The following LMO1 variants were observed in gnomAD, a reference collection of about 807,000 sequenced individuals.
LMO1 encodes LIM domain only 1, also known as rhombotin-1.
Under a neutral mutation model 18.0 loss-of-function variants are expected in LMO1, and 10 were observed. The ratio of observed to expected loss-of-function variants is 0.55; its 90% confidence interval spans 0.34 to 0.94. The LOEUF (loss-of-function observed/expected upper bound fraction) is 0.94, where lower values mean the gene tolerates loss of function less well. Among genes scored for constraint, LMO1 ranks in the 40% least tolerant of loss-of-function variants. LMO1 has a pLI of 0.02. For missense variants in LMO1, 183 were observed against 205.7 expected (o/e 0.89, Z 0.68); for synonymous variants, 77 against 77.9 (o/e 0.99, Z 0.06).
At chr11:8,233,684 C>T (rs960898250) in intron 1 of LMO1, among the ~76,000 whole-genome samples, 2 of 151,732 alleles carry the variant, frequency 1.3e-5, no homozygotes, top group African/African-American at 4.8e-5. Context: ...TCCTGCTCTG[C>T]CTTCCCCATT....
At chr11:8,253,437 G>C (rs1847038285) in intron 1 of LMO1, among the ~76,000 whole-genome samples, 1 of 152,116 alleles carries the variant, frequency 6.6e-6, no homozygotes, top group Non-Finnish European at 1.5e-5. Context: ...TTTACTACTT[G>C]GAATTATTAT....
At chr11:8,268,056 C>T (rs1847278638), upstream of LMO1, among the ~76,000 whole-genome samples, 5 of 152,388 alleles carry the variant, frequency 3.3e-5, no homozygotes, top group Admixed American at 3.3e-4. Context: ...GGGAGACTGG[C>T]TGGCAGTGGG....
At chr11:8,265,603 C>T (rs1453536365), upstream of LMO1, among the ~76,000 whole-genome samples, 1 of 152,184 alleles carries the variant, frequency 6.6e-6, no homozygotes, top group East Asian at 1.9e-4. Flanking sequence ...CTCAGACTCA[C>T]CAGCCTCAGG....
rs743630 is a variant in LMO1 at position 8,258,492 on chromosome 11, C to T, written c.25+4846G>A. ...AGCTTCGCCCTGGGCCATGGCTGAA[C>T]CTCGTGTTTCCTTTGCCCATGACCA... On this transcript the variant is annotated intron_variant, in intron 1 of 3. Coordinates refer to ENST00000335790, the MANE Select transcript of LMO1 (RefSeq NM_002315.3). Among the ~76,000 whole-genome samples, 1,431 of 152,356 alleles carry T rather than the reference C, an allele frequency of 9.4e-3. 111 individuals carry two copies. In the East Asian group the frequency reaches 0.2, roughly 22 times the overall value.
At chr11:8,246,072 C>A (rs755523094) in intron 1 of LMO1, among the ~76,000 whole-genome samples, 2 of 152,126 alleles carry the variant, frequency 1.3e-5, no homozygotes, top group Non-Finnish European at 2.9e-5. Flanking sequence ...GGGAGCCATC[C>A]CCGTGATCCA....
intron 1 of LMO1, among the ~76,000 whole-genome samples, chr11:8,244,114 G>A (rs369808348): frequency 2.5e-4 from 38 of 152,296 alleles, no homozygotes; most frequent in Admixed American, 1.5e-3. Flanking sequence ...TACAGCCACC[G>A]TGGCCTCGGG....
intron 1 of LMO1, among the ~76,000 whole-genome samples, chr11:8,232,919 T>C (rs1952694359): frequency 6.6e-6 from 1 of 152,192 alleles, no homozygotes. Flanking sequence ...CCCAGCATGT[T>C]TGTCCTGGCT....
At chr11:8,236,839 A>G (rs1952769194) in intron 1 of LMO1, among the ~76,000 whole-genome samples, 1 of 152,248 alleles carries the variant, frequency 6.6e-6, no homozygotes. Context: ...ATACCCATGC[A>G]TCTAAGCACA....
At chr11:8,238,670 C>CAA (rs11375128) in intron 1 of LMO1, among the ~76,000 whole-genome samples, 1,826 of 59,628 alleles carry the variant, frequency 0.031, 68 homozygotes, top group East Asian at 0.051. Context: ...GACTCCATCT[C>CAA]AAAAAAAAAA....
Position 8,256,552 on chromosome 11 carries a change from C to A in LMO1, c.25+6786G>T, listed in dbSNP as rs374336449. Reference sequence around the variant, plus strand: ...GCGACCTGGACCAATCTGCTCACTCCTCTCACACCACCTGCTTTTAATTTG... The same window carrying A: ...GCGACCTGGACCAATCTGCTCACTCATCTCACACCACCTGCTTTTAATTTG... On this transcript the variant is annotated intron_variant, in intron 1 of 3. Coordinates refer to ENST00000335790, the MANE Select transcript of LMO1 (RefSeq NM_002315.3). Among the ~76,000 whole-genome samples the A allele has an allele frequency of 1.5e-4, 23 of 152,222 alleles. 1 individual carries two copies. The East Asian group carries it at 3.8e-3, about 25-fold the overall frequency.
upstream of LMO1, chr11:8,268,335 C>A: frequency 8.6e-7 from 1 of 1,164,812 alleles, no homozygotes; most frequent in Non-Finnish European, 1.1e-6. Context: ...TCTGCCGCCG[C>A]TAGCGGGGTG....
At chr11:8,230,561 A>G in intron 1 of LMO1, 57 bp from the exon 2 acceptor site, 4 of 1,534,452 alleles carry the variant, frequency 2.6e-6, no homozygotes, top group Non-Finnish European at 3.6e-6. Context: ...CTGGGCCTCA[A>G]GGAATATCCC....
intron 1 of LMO1, among the ~76,000 whole-genome samples, chr11:8,245,515 T>G (rs1484459128): frequency 6.6e-6 from 1 of 152,158 alleles, no homozygotes; most frequent in Non-Finnish European, 1.5e-5. Context: ...ACAGAAGCCC[T>G]TGAGGTGAGC....
At chr11:8,268,323 G>A, upstream of LMO1, 7 of 1,008,506 alleles carry the variant, frequency 6.9e-6, no homozygotes, top group South Asian at 1.3e-4. Context: ...GGTGCTGAGG[G>A]CTCTGCCGCC....
At chr11:8,238,303 C>G (rs1188932904) in intron 1 of LMO1, among the ~76,000 whole-genome samples, 1 of 152,090 alleles carries the variant, frequency 6.6e-6, no homozygotes, top group Non-Finnish European at 1.5e-5. Flanking sequence ...AAGCTAGACA[C>G]AAAAAGGTAC....
chr11:8,229,546 C>A (rs1012861041), intron 2 of LMO1, among the ~76,000 whole-genome samples: 1 of 152,212 alleles, frequency 6.6e-6, no homozygotes, highest in Non-Finnish European at 1.5e-5. Context: ...CTCCTTCCAG[C>A]CTTGCTGATG....
At chr11:8,249,204 C>T (rs925303580) in intron 1 of LMO1, among the ~76,000 whole-genome samples, 1 of 152,184 alleles carries the variant, frequency 6.6e-6, no homozygotes, top group African/African-American at 2.4e-5. Context: ...CCTCCTCTGA[C>T]CAACCCAGAC....
chr11:8,227,567 G>C (rs940947516), intron 2 of LMO1, among the ~76,000 whole-genome samples: 4 of 152,220 alleles, frequency 2.6e-5, no homozygotes, highest in African/African-American at 9.6e-5. Context: ...TGTGAAACCT[G>C]TTGTAAATTC....
In LMO1 at chr11:8,224,654, C is replaced by T. The variant is rs1290988134; in HGVS notation, c.433G>A (p.Gly145Arg). 6.8e-6 allele frequency: 11 copies of T among 1,610,538 alleles called. No homozygotes were observed. The highest frequency in any genetic ancestry group is 9.3e-6 in the Non-Finnish European group (11 of 1,178,342). The change falls in exon 4 of 4, where the codon GGG becomes AGG. Residue 145 changes from glycine to arginine, a missense_variant. Transcript: ENST00000335790. The part of the protein sequence containing the change: ...MILCQMDYEE[G>R]QLNGTFESQV... ...GATTCAAAGGTGCCATTGAGCTGCC[C>T]TTCCTCATAGTCCATCTGACACAAG...
Sources: gnomAD v4.1 joint callset for allele counts (sites outside exome capture counted in the v4.1 genomes callset) on GRCh38, gnomAD v4.1.1 for gene constraint, MANE v1.5 for transcripts, NCBI Gene and HGNC (gene_info 2026-07-23, HGNC 2026-07-21) for gene names.